NALF1: variants seen among roughly 807,000 people sequenced by gnomAD.
The protein encoded by NALF1 is NALCN channel auxiliary factor 1.
A neutral mutation model predicts 48.4 loss-of-function variants in NALF1; 3 were observed. That is an observed-to-expected ratio of 0.06 (90% CI 0.03 to 0.16). The LOEUF (loss-of-function observed/expected upper bound fraction) is 0.16, where lower values mean the gene tolerates loss of function less well. NALF1 is among the 10% of genes least tolerant of loss of function. The pLI is 1.00. For synonymous variants in NALF1, 262 were observed against 245.7 expected (o/e 1.07, Z -0.62); for missense variants, 526 against 571.5 (o/e 0.92, Z 0.81).
chr13:107,362,089 G>A lies in NALF1; in HGVS notation c.916-151334C>T, dbSNP rs1285976937. On this transcript the variant is annotated intron_variant, in intron 1 of 2. Transcript: ENST00000375915. This position sits in a 1 kb window ranked among gnomAD's most constrained non-coding sequence, Gnocchi z 4.6. Reference sequence around the variant, plus strand: ...AGCCTGCAGTGCATAGGTAGAGATGGGGGAATTCAACTCTTATTTTCTTAA... The same window carrying A: ...AGCCTGCAGTGCATAGGTAGAGATGAGGGAATTCAACTCTTATTTTCTTAA... Among the ~76,000 whole-genome samples, 1 of 152,082 alleles carries A rather than the reference G, an allele frequency of 6.6e-6. No individual in the cohort carries two copies. Among genetic ancestry groups the A allele is most frequent in the East Asian group, 1.9e-4 (1 of 5,180 alleles).
At chr13:107,822,017 T>A (rs1246402468) in intron 1 of NALF1, among the ~76,000 whole-genome samples, 2 of 151,992 alleles carry the variant, frequency 1.3e-5, no homozygotes, top group East Asian at 3.9e-4. Flanking sequence ...TGTCATACCT[T>A]CTATGCTCTC....
chr13:107,440,695 T>G (rs1478732894), intron 1 of NALF1, among the ~76,000 whole-genome samples: 1 of 152,106 alleles, frequency 6.6e-6, no homozygotes, highest in African/African-American at 2.4e-5. Flanking sequence ...TTTGAGAGGA[T>G]GGTAATACAG....
intron 1 of NALF1, among the ~76,000 whole-genome samples, chr13:107,483,801 AAT>A (rs66484032): frequency 0.6 from 90,820 of 151,532 alleles, 30,008 homozygotes; most frequent in Middle Eastern, 0.77. Flanking sequence ...ATCTGCATTA[AAT>A]ATAAATTAAT....
intron 1 of NALF1, among the ~76,000 whole-genome samples, chr13:107,242,719 G>A (rs76497824): frequency 0.014 from 2,148 of 151,900 alleles, 49 homozygotes; most frequent in African/African-American, 0.049. Flanking sequence ...AACAAGGCTC[G>A]GTTTATAGTC....
intron 1 of NALF1, among the ~76,000 whole-genome samples, chr13:107,710,774 T>C (rs562713171): frequency 2.2e-5 from 1 of 45,424 alleles, no homozygotes; most frequent in African/African-American, 5.5e-5. Context: ...TATACACACA[T>C]ATGTGTGTAT....
At chr13:107,779,156 T>G (rs1266770561) in intron 1 of NALF1, among the ~76,000 whole-genome samples, 2 of 152,190 alleles carry the variant, frequency 1.3e-5, no homozygotes, top group Non-Finnish European at 2.9e-5. Context: ...TTCACTGACC[T>G]TTCATTTTTC....
At chr13:107,400,911 C>T (rs1163634802) in intron 1 of NALF1, among the ~76,000 whole-genome samples, 1 of 152,008 alleles carries the variant, frequency 6.6e-6, no homozygotes, top group Non-Finnish European at 1.5e-5. Flanking sequence ...CACATACACA[C>T]TTTTCCCCAG....
intron 1 of NALF1, among the ~76,000 whole-genome samples, chr13:107,266,548 G>T (rs1881042796): frequency 6.6e-6 from 1 of 151,998 alleles, no homozygotes; most frequent in Non-Finnish European, 1.5e-5. Flanking sequence ...TTCTGTAGAA[G>T]AATTAGATCC....
chr13:107,635,906 T>C (rs76110983), intron 1 of NALF1, among the ~76,000 whole-genome samples: 2,402 of 152,260 alleles, frequency 0.016, 61 homozygotes, highest in African/African-American at 0.055. Flanking sequence ...ATTCAGTTAT[T>C]AAATCCTAAA....
intron 1 of NALF1, among the ~76,000 whole-genome samples, chr13:107,794,945 T>G (rs1036964480): frequency 6.6e-6 from 1 of 152,180 alleles, no homozygotes; most frequent in Admixed American, 6.5e-5. Flanking sequence ...AATCTTTTGA[T>G]GTACTGATTA....
intron 1 of NALF1, among the ~76,000 whole-genome samples, chr13:107,468,771 G>T (rs2139050274): frequency 6.6e-6 from 1 of 152,108 alleles, no homozygotes; most frequent in Non-Finnish European, 1.5e-5. Flanking sequence ...TTTAACATTG[G>T]GAGTATGAGA....
At chr13:107,313,939 C>T (rs1051527910) in intron 1 of NALF1, among the ~76,000 whole-genome samples, 36 of 152,148 alleles carry the variant, frequency 2.4e-4, no homozygotes, top group Non-Finnish European at 4.3e-4. Context: ...ACCTTGGGTA[C>T]ATGTTGTCAG....
intron 2 of NALF1, among the ~76,000 whole-genome samples, chr13:107,195,649 T>C (rs1041792921): frequency 2.6e-5 from 4 of 152,228 alleles, no homozygotes; most frequent in African/African-American, 9.6e-5. Flanking sequence ...TCTTAGTTTA[T>C]GAACCAACTG....
intron 1 of NALF1, among the ~76,000 whole-genome samples, chr13:107,705,587 C>T (rs867687499): frequency 3.0e-4 from 45 of 151,940 alleles, no homozygotes; most frequent in African/African-American, 1.1e-3. Flanking sequence ...GAAAACAATA[C>T]CGATTTGTCA....
At chr13:107,765,036 A>G (rs1024726724) in intron 1 of NALF1, among the ~76,000 whole-genome samples, 4 of 152,142 alleles carry the variant, frequency 2.6e-5, no homozygotes, top group African/African-American at 9.7e-5. Context: ...CTAAAACAAG[A>G]GCTGCTCCTC....
intron 1 of NALF1, among the ~76,000 whole-genome samples, chr13:107,449,585 G>A (rs541060761): frequency 1.2e-4 from 18 of 152,254 alleles, no homozygotes; most frequent in South Asian, 2.1e-4. Context: ...TGTAGAAGTC[G>A]GTAAAGAGAA....
chr13:107,824,751 GT>G (rs1879462145), intron 1 of NALF1, among the ~76,000 whole-genome samples: 1 of 152,340 alleles, frequency 6.6e-6, no homozygotes. Flanking sequence ...AGTGCAGCTT[GT>G]TTTTGATGAG....
At chr13:107,620,466 A>G (rs1197421508) in intron 1 of NALF1, among the ~76,000 whole-genome samples, 2 of 152,202 alleles carry the variant, frequency 1.3e-5, no homozygotes, top group Non-Finnish European at 2.9e-5. Context: ...ATGTTCACAA[A>G]TCTGATTCCT....
intron 1 of NALF1, among the ~76,000 whole-genome samples, chr13:107,281,592 A>C (rs563254079): frequency 2.6e-5 from 4 of 152,336 alleles, no homozygotes; most frequent in Non-Finnish European, 5.9e-5. Flanking sequence ...TTATCTCTCC[A>C]GGCCTAAGTA....
Sources: allele counts gnomAD v4.1 joint callset (sites outside exome capture counted in the v4.1 genomes callset), GRCh38; gene constraint gnomAD v4.1.1; non-coding constraint Gnocchi (gnomAD v3.1); transcripts MANE v1.5; gene names NCBI Gene and HGNC (gene_info 2026-07-23, HGNC 2026-07-21).